The following C1GALT1 variants were observed in gnomAD, a reference collection of about 807,000 sequenced individuals.
The protein encoded by C1GALT1 is glycoprotein-N-acetylgalactosamine 3-beta-galactosyltransferase 1.
A neutral mutation model predicts 31.0 loss-of-function variants in C1GALT1; 11 were observed. That is an observed-to-expected ratio of 0.36 (90% confidence interval 0.22 to 0.59). The LOEUF (loss-of-function observed/expected upper bound fraction) is 0.59, where lower values mean the gene tolerates loss of function less well. C1GALT1 is among the 20% of genes least tolerant of loss of function. The pLI is 0.79. For synonymous variants in C1GALT1, 175 were observed against 143.6 expected (o/e 1.22, Z -1.56); for missense variants, 424 against 425.2 (o/e 1.00, Z 0.03).
chr7:7,211,216 C>T (rs1280524624), intron 1 of C1GALT1, among the ~76,000 whole-genome samples: 1 of 152,058 alleles, frequency 6.6e-6, no homozygotes, highest in African/African-American at 2.4e-5. Context: ...CAATACAAGA[C>T]ATATAAACAA....
At chr7:7,204,506 C>G (rs1372404151) in intron 1 of C1GALT1, among the ~76,000 whole-genome samples, 4 of 151,916 alleles carry the variant, frequency 2.6e-5, no homozygotes, top group Non-Finnish European at 5.9e-5. Flanking sequence ...TTTTGAAGAA[C>G]CAACTTTTAG....
Position 7,238,742 on chromosome 7 carries a change from C to T in C1GALT1, c.708C>T (p.Ser236=). 6.2e-7 allele frequency: 1 copy of T among 1,613,850 alleles called. No individual in the cohort carries two copies. Among genetic ancestry groups the T allele is most frequent in the Non-Finnish European group, 8.5e-7 (1 of 1,179,926 alleles). ...AFKTDKCTHS[S]SIEDLALGRC... is the part of the protein sequence containing the mutation. ...AAACAGACAAGTGTACACATAGTTC[C>T]TCCATTGAAGACTTAGCACTGGGGA... Residue 236 remains serine (S), a synonymous_variant, in exon 3 of 4, where the codon TCC becomes TCT. Transcript: ENST00000436587. The surrounding 1 kb of genome is among the most constrained non-coding windows in gnomAD (Gnocchi z 5.2).
At chr7:7,194,210 G>T (rs1781191869) in intron 1 of C1GALT1, among the ~76,000 whole-genome samples, 1 of 152,092 alleles carries the variant, frequency 6.6e-6, no homozygotes, top group Admixed American at 6.6e-5. Context: ...CCAGTACTAT[G>T]TTGAATAGAA....
At chr7:7,200,557 G>T (rs1166769935) in intron 1 of C1GALT1, among the ~76,000 whole-genome samples, 3 of 152,080 alleles carry the variant, frequency 2.0e-5, no homozygotes, top group Admixed American at 6.5e-5. Flanking sequence ...CGCTAGATTG[G>T]GGGGGTTCTC....
intron 1 of C1GALT1, among the ~76,000 whole-genome samples, chr7:7,228,529 A>G (rs555002094): frequency 6.6e-6 from 1 of 152,296 alleles, no homozygotes; most frequent in Admixed American, 6.5e-5. Context: ...TCTTGTGGAC[A>G]TGATTTTTGC....
intron 2 of C1GALT1, among the ~76,000 whole-genome samples, chr7:7,171,861 C>G (rs1251156596): frequency 6.6e-6 from 1 of 152,104 alleles, no homozygotes; most frequent in Non-Finnish European, 1.5e-5. Flanking sequence ...AAAAACTATA[C>G]TACTATACAT....
chr7:7,241,787 C>T (rs1479303913), intron 3 of C1GALT1, among the ~76,000 whole-genome samples: 1 of 151,754 alleles, frequency 6.6e-6, no homozygotes, highest in East Asian at 1.9e-4. Flanking sequence ...TTTTGGGTAA[C>T]CATAATTGTC....
chr7:7,218,873 G>A (rs1782376042), intron 1 of C1GALT1, among the ~76,000 whole-genome samples: 1 of 143,468 alleles, frequency 7.0e-6, no homozygotes, highest in Middle Eastern at 3.3e-3. Flanking sequence ...TTGCTCTGTC[G>A]CCCAGGCTGG....
rs976222699 is a variant in C1GALT1, at chr7:7,160,822, C to G, written c.-18+3396C>G. On this transcript the variant is annotated intron_variant, in intron 2 of 3. Coordinates refer to the C1GALT1 transcript ENST00000429911. ...TAACAGATGACAGAGGGAAAGCTGTCTGAATTATTTGCCAGTAGACTACTG... is the reference window on the plus strand; with the variant it reads ...TAACAGATGACAGAGGGAAAGCTGTGTGAATTATTTGCCAGTAGACTACTG... Among the ~76,000 whole-genome samples, 3 of 152,040 alleles carry G rather than the reference C, an allele frequency of 2.0e-5. No homozygotes were observed. The South Asian group carries it at 6.2e-4, about 32-fold the overall frequency.
intron 1 of C1GALT1, among the ~76,000 whole-genome samples, chr7:7,200,556 G>T (rs1230476431): frequency 1.3e-5 from 2 of 151,996 alleles, no homozygotes; most frequent in African/African-American, 4.8e-5. Context: ...TCGCTAGATT[G>T]GGGGGGTTCT....
At chr7:7,222,068 C>T (rs1262500338) in intron 1 of C1GALT1, among the ~76,000 whole-genome samples, 2 of 152,170 alleles carry the variant, frequency 1.3e-5, no homozygotes, top group Non-Finnish European at 2.9e-5. Flanking sequence ...TGTCCTGTTT[C>T]CCTACAAGGT....
chr7:7,191,517 T>C (rs1303507164), intron 1 of C1GALT1, among the ~76,000 whole-genome samples: 2 of 152,164 alleles, frequency 1.3e-5, no homozygotes, highest in Non-Finnish European at 2.9e-5. Context: ...CTGGATCATA[T>C]GGTAATTCTA....
chr7:7,214,273 G>T (rs1219733437), intron 1 of C1GALT1, among the ~76,000 whole-genome samples: 1 of 152,058 alleles, frequency 6.6e-6, no homozygotes, highest in East Asian at 1.9e-4. Flanking sequence ...CCAAAACAGG[G>T]TCTGTGGCAT....
intron 1 of C1GALT1, among the ~76,000 whole-genome samples, chr7:7,208,330 A>C (rs1017058946): frequency 6.6e-6 from 1 of 152,156 alleles, no homozygotes; most frequent in African/African-American, 2.4e-5. Context: ...TATTGTGCCT[A>C]ATTTACAAAT....
At chr7:7,157,884 T>C (rs902842203) in intron 2 of C1GALT1, among the ~76,000 whole-genome samples, 1 of 152,208 alleles carries the variant, frequency 6.6e-6, no homozygotes, top group African/African-American at 2.4e-5. Context: ...GAGAACTGTC[T>C]TTTTGCTAAA....
intron 1 of C1GALT1, among the ~76,000 whole-genome samples, chr7:7,201,722 T>C (rs934493873): frequency 1.3e-5 from 2 of 152,190 alleles, no homozygotes; most frequent in African/African-American, 4.8e-5. Context: ...CTGAGCAGTA[T>C]TGAGAAGCTG....
chr7:7,227,114 G>C (rs2108784), intron 1 of C1GALT1, among the ~76,000 whole-genome samples: 1 of 151,900 alleles, frequency 6.6e-6, no homozygotes, highest in South Asian at 2.1e-4. Flanking sequence ...TCATATTACA[G>C]ATGTCTAGGT....
At chr7:7,233,132 G>C (rs1783166596) in intron 1 of C1GALT1, among the ~76,000 whole-genome samples, 1 of 152,062 alleles carries the variant, frequency 6.6e-6, no homozygotes, top group Non-Finnish European at 1.5e-5. Flanking sequence ...GCTTAAAAAG[G>C]GCGTTTATGT....
At chr7:7,201,300 G>C (rs1260478724) in intron 1 of C1GALT1, among the ~76,000 whole-genome samples, 1 of 152,226 alleles carries the variant, frequency 6.6e-6, no homozygotes, top group Non-Finnish European at 1.5e-5. Context: ...GTTATCACCA[G>C]CGGAGGCTGC....
Sources: gnomAD v4.1 joint callset for allele counts (sites outside exome capture counted in the v4.1 genomes callset) on GRCh38, gnomAD v4.1.1 for gene constraint, Gnocchi (gnomAD v3.1) non-coding constraint, MANE v1.5 for transcripts, NCBI Gene and HGNC (gene_info 2026-07-23, HGNC 2026-07-21) for gene names.